NRP2: variants seen among roughly 807,000 people sequenced by gnomAD.
The protein encoded by NRP2 is neuropilin 2.
Under a neutral mutation model 110.4 loss-of-function variants are expected in NRP2, and 52 were observed. The observed-to-expected ratio is 0.47, with a 90% CI of 0.38 to 0.59. The LOEUF (loss-of-function observed/expected upper bound fraction) is 0.59, where lower values mean the gene tolerates loss of function less well. Among genes scored for constraint, NRP2 ranks in the 20% least tolerant of loss-of-function variants. The pLI is 0.00. For missense variants in NRP2, 1,049 were observed against 1,203.0 expected (o/e 0.87, Z 1.89); for synonymous variants, 508 against 468.9 (o/e 1.08, Z -1.08).
At chr2:205,687,326 G>A (rs2056194872) in intron 1 of NRP2, among the ~76,000 whole-genome samples, 1 of 152,200 alleles carries the variant, frequency 6.6e-6, no homozygotes, top group African/African-American at 2.4e-5. Flanking sequence ...ATGGCCATTG[G>A]CGAGCATAAT....
intron 15 of NRP2, among the ~76,000 whole-genome samples, chr2:205,789,091 A>C (rs1240846379): frequency 6.6e-6 from 1 of 152,210 alleles, no homozygotes; most frequent in African/African-American, 2.4e-5. Flanking sequence ...ACAGGCAACC[A>C]AAGTGTGTAT....
chr2:205,792,786 A>G (rs749375537), intron 16 of NRP2, among the ~76,000 whole-genome samples: 5 of 152,132 alleles, frequency 3.3e-5, no homozygotes, highest in Non-Finnish European at 7.4e-5. Flanking sequence ...ACCATCTCGT[A>G]TCTTTATATT....
At position 205,692,292 on chromosome 2, in the gene NRP2, C is replaced by A. The variant is rs550366862; in HGVS notation, c.74-5252C>A. Among the ~76,000 whole-genome samples the A allele has an allele frequency of 1.3e-4, 20 of 152,346 alleles. No individual in the cohort carries two copies. The East Asian group carries it at 3.7e-3, about 28-fold the overall frequency. On this transcript the variant is annotated intron_variant, in intron 1 of 16. Coordinates refer to ENST00000357785, the MANE Select transcript of NRP2 (RefSeq NM_003872.3). ...TAGGAAGTGGTCAAACAGCCACATT[C>A]CTGGGCTGATGGATTGGCTCATTTC...
chr2:205,736,529 C>A (rs1389970322), intron 7 of NRP2, among the ~76,000 whole-genome samples: 1 of 152,074 alleles, frequency 6.6e-6, no homozygotes, highest in East Asian at 1.9e-4. Context: ...TGGGAGTAGT[C>A]GTGGCTTTTG....
Position 205,683,358 on chromosome 2 carries a change from A to C in NRP2, c.68A>C (p.Gln23Pro), listed in dbSNP as rs1191519103. Reference sequence around the variant, plus strand: ...TTTTCAAGACACCAAGTGAGAGGCCAACCAGGTAAGCCACTGAAAGTTTTT... The same window carrying C: ...TTTTCAAGACACCAAGTGAGAGGCCCACCAGGTAAGCCACTGAAAGTTTTT... ...LYFSRHQVRG[Q>P]PDPPCGGRLN... is the part of the protein sequence containing the mutation. Residue 23 changes from glutamine to proline, a missense_variant, in exon 1 of 17, where the codon CAA becomes CCA. Transcript: ENST00000357785. 1 of 1,612,464 alleles carries C rather than the reference A, an allele frequency of 6.2e-7. No individual in the cohort carries two copies. The highest frequency in any genetic ancestry group is 8.5e-7 in the Non-Finnish European group (1 of 1,178,472).
chr2:205,717,789 C>A (rs910448944), intron 3 of NRP2, among the ~76,000 whole-genome samples: 1 of 152,096 alleles, frequency 6.6e-6, no homozygotes, highest in African/African-American at 2.4e-5. Context: ...CCTCTGCTGC[C>A]GAGCAGTGGG....
intron 15 of NRP2, among the ~76,000 whole-genome samples, chr2:205,771,005 T>C (rs79084846): frequency 2.6e-5 from 4 of 152,294 alleles, no homozygotes; most frequent in Admixed American, 1.3e-4. Context: ...AGCTTATCTA[T>C]GGGTGGAAGA....
At position 205,796,446 on chromosome 2, in the gene NRP2, G is replaced by T. The variant is rs1460084257; in HGVS notation, c.*1388G>T. 6.6e-6 allele frequency: 1 copy of T among 152,268 alleles called. No homozygotes were observed. Among genetic ancestry groups the T allele is most frequent in the African/African-American group, 2.4e-5 (1 of 41,304 alleles). The allele number at this position is 152,268 out of a possible 1,614,324, so 9.4% of individuals were successfully genotyped here. The stretch of plus-strand genomic sequence containing the variant: ...TGCACGCACACACACATACACACAT[G>T]CACGCACGCACGCATGCACACCAAT... On this transcript the variant is annotated 3_prime_UTR_variant, in exon 17 of 17. Transcript: ENST00000357785.
chr2:205,686,514 G>A lies in NRP2; in HGVS notation c.73+3151G>A, dbSNP rs1006813822. Among the ~76,000 whole-genome samples the A allele has an allele frequency of 6.6e-6, 1 of 152,206 alleles. No individual in the cohort carries two copies. The highest frequency in any genetic ancestry group is 2.4e-5 in the African/African-American group (1 of 41,460). ...GCGCTCTGATTGAAGGGCTGCCCCC[G>A]CCCTTCGACTCGGGCTGGCTGTGCC... is the stretch of plus-strand genomic sequence containing the variant. On this transcript the variant is annotated intron_variant, in intron 1 of 16. Coordinates refer to ENST00000357785, the MANE Select transcript of NRP2 (RefSeq NM_003872.3). This position sits in a 1 kb window ranked among gnomAD's most constrained non-coding sequence, Gnocchi z 4.7.
chr2:205,730,816 G>A (rs1414498513), intron 7 of NRP2, among the ~76,000 whole-genome samples: 1 of 152,242 alleles, frequency 6.6e-6, no homozygotes, highest in Admixed American at 6.5e-5. Context: ...TTACAATGTG[G>A]ACCCAGACGG....
intron 14 of NRP2, 91 bp from the exon 15 acceptor site, chr2:205,766,692 T>G: frequency 8.3e-7 from 1 of 1,197,646 alleles, no homozygotes; most frequent in Non-Finnish European, 1.2e-6. Context: ...GCAGTCATGT[T>G]TATCATCATA....
chr2:205,714,506 A>G (rs553371603), intron 2 of NRP2, among the ~76,000 whole-genome samples: 1 of 152,322 alleles, frequency 6.6e-6, no homozygotes, highest in Admixed American at 6.5e-5. Context: ...GGTTTTCTGG[A>G]AGGTTTGGGA....
At chr2:205,757,555 A>C (rs370242827) in intron 12 of NRP2, among the ~76,000 whole-genome samples, 1 of 152,316 alleles carries the variant, frequency 6.6e-6, no homozygotes, top group East Asian at 1.9e-4. Flanking sequence ...GACAGTGAGC[A>C]AGTGGTGACT....
chr2:205,787,742 GTGTGT>G (rs2058251117), intron 15 of NRP2, among the ~76,000 whole-genome samples: 1 of 151,758 alleles, frequency 6.6e-6, no homozygotes, highest in African/African-American at 2.4e-5. Context: ...GTGTGTGTGT[GTGTGT>G]GTGTGTGTCA....
intron 7 of NRP2, among the ~76,000 whole-genome samples, chr2:205,729,236 C>T (rs922459438): frequency 1.3e-5 from 2 of 152,220 alleles, no homozygotes; most frequent in Non-Finnish European, 2.9e-5. Context: ...ACCATAGTAA[C>T]GGGGTACCAC....
intron 1 of NRP2, among the ~76,000 whole-genome samples, chr2:205,690,880 A>G (rs989904748): frequency 1.3e-5 from 2 of 152,170 alleles, no homozygotes; most frequent in South Asian, 2.1e-4. Context: ...CACTAACTCT[A>G]CCTTGACCTA....
rs767653480 is a variant in NRP2 at position 205,743,351 on chromosome 2, G to T, written c.1440G>T (p.Gln480His). The T allele has an allele frequency of 6.2e-7, 1 of 1,614,242 alleles. No individual in the cohort carries two copies. The highest frequency in any genetic ancestry group is 2.2e-5 in the East Asian group (1 of 44,884). The part of the protein sequence containing the change: ...SRSGWFPRIP[Q>H]AQPGEEWLQV... ...CGGGCTGGTTCCCTCGAATCCCTCA[G>T]GCCCAGCCCGGTGAGGAGTGGCTTC... is the stretch of plus-strand genomic sequence containing the variant. Residue 480 changes from glutamine to histidine, a missense_variant, in exon 9 of 17, where the codon CAG becomes CAT. By Grantham distance (24) the Gln-to-His change is conservative. Coordinates refer to ENST00000357785, the MANE Select transcript of NRP2 (RefSeq NM_003872.3).
intron 7 of NRP2, among the ~76,000 whole-genome samples, chr2:205,729,628 C>T (rs1483482909): frequency 6.6e-6 from 1 of 152,208 alleles, no homozygotes; most frequent in Admixed American, 6.5e-5. Flanking sequence ...AGCACAGGCC[C>T]AGAGGGATAC....
chr2:205,715,067 G>A (rs2056867655), intron 2 of NRP2, among the ~76,000 whole-genome samples: 1 of 152,206 alleles, frequency 6.6e-6, no homozygotes. Context: ...GAGGGAGAGG[G>A]AGATGGATGG....
Sources: allele counts gnomAD v4.1 joint callset (sites outside exome capture counted in the v4.1 genomes callset), GRCh38; gene constraint gnomAD v4.1.1; non-coding constraint Gnocchi (gnomAD v3.1); transcripts MANE v1.5; gene names NCBI Gene and HGNC (gene_info 2026-07-23, HGNC 2026-07-21).